The following FHIP1A variants were observed in gnomAD, a reference collection of about 807,000 sequenced individuals.
FHIP1A encodes FHF complex subunit HOOK-interacting protein 1A.
A neutral mutation model predicts 88.6 loss-of-function variants in FHIP1A; 61 were observed. That is an observed-to-expected ratio of 0.69 (90% CI 0.56 to 0.85). The LOEUF (loss-of-function observed/expected upper bound fraction) is 0.85. FHIP1A is among the 40% of genes least tolerant of loss of function. FHIP1A has a pLI of 0.00. For missense variants in FHIP1A, 1,154 were observed against 1,273.5 expected, an observed-to-expected ratio of 0.91 and a Z score of 1.43; for synonymous variants, 478 against 496.0, an observed-to-expected ratio of 0.96 and a Z score of 0.48.
chr4:151,550,782 T>G lies in FHIP1A; in HGVS notation c.-122-15356T>G, dbSNP rs116178671. Among the ~76,000 whole-genome samples the G allele has an allele frequency of 4.3e-3, 656 of 152,274 alleles. 6 individuals are homozygous for G. Among genetic ancestry groups the G allele is most frequent in the African/African-American group, 0.015 (621 of 41,570 alleles). On this transcript the variant is annotated intron_variant, in intron 3 of 13. Coordinates refer to ENST00000435205, the MANE Select transcript of FHIP1A (RefSeq NM_001109977.3). ...TGGGATGCAGACTCTGAGGTGGAGA[T>G]TTGCATGCAGGAGTTTGTTAGGGTA...
At chr4:151,556,732 C>A (rs1222198142) in intron 3 of FHIP1A, among the ~76,000 whole-genome samples, 1 of 152,146 alleles carries the variant, frequency 6.6e-6, no homozygotes, top group East Asian at 1.9e-4. Flanking sequence ...GGAAGACAAT[C>A]ATTTACAAGG....
At chr4:151,438,956 A>C (rs1728307694) in intron 1 of FHIP1A, among the ~76,000 whole-genome samples, 1 of 152,090 alleles carries the variant, frequency 6.6e-6, no homozygotes, top group African/African-American at 2.4e-5. Context: ...GTGTCTTTTG[A>C]AGTAGTATGT....
intron 3 of FHIP1A, among the ~76,000 whole-genome samples, chr4:151,540,087 G>A (rs1406806756): frequency 6.6e-6 from 1 of 152,154 alleles, no homozygotes; most frequent in Non-Finnish European, 1.5e-5. Context: ...TAAAGAAATA[G>A]CCTTGGCCTA....
At chr4:151,643,971 T>C (rs533016965) in intron 9 of FHIP1A, among the ~76,000 whole-genome samples, 1 of 152,386 alleles carries the variant, frequency 6.6e-6, no homozygotes, top group African/African-American at 2.4e-5. Flanking sequence ...CTTTATTAGC[T>C]TTGATCCAGT....
chr4:151,428,269 A>G (rs1370185940), intron 1 of FHIP1A, among the ~76,000 whole-genome samples: 2 of 152,180 alleles, frequency 1.3e-5, no homozygotes, highest in Non-Finnish European at 2.9e-5. Context: ...CTTTAGAAAT[A>G]CCATAAATAT....
At chr4:151,587,327 G>A (rs1421029470) in intron 6 of FHIP1A, among the ~76,000 whole-genome samples, 3 of 152,090 alleles carry the variant, frequency 2.0e-5, no homozygotes, top group African/African-American at 7.2e-5. Flanking sequence ...GAATTCTTGT[G>A]TATTTGGCTT....
At chr4:151,484,490 T>G (rs1173992061) in intron 3 of FHIP1A, among the ~76,000 whole-genome samples, 1 of 152,074 alleles carries the variant, frequency 6.6e-6, no homozygotes, top group African/African-American at 2.4e-5. Context: ...AGGGAGTAGC[T>G]TAGGTGGTTG....
chr4:151,443,847 G>C (rs1728499284), intron 1 of FHIP1A, among the ~76,000 whole-genome samples: 1 of 152,032 alleles, frequency 6.6e-6, no homozygotes, highest in Non-Finnish European at 1.5e-5. Context: ...ACTCCCTGCT[G>C]CCACAGTTGG....
At chr4:151,596,585 G>T (rs971062151) in intron 7 of FHIP1A, among the ~76,000 whole-genome samples, 8 of 152,162 alleles carry the variant, frequency 5.3e-5, no homozygotes, top group African/African-American at 1.7e-4. Flanking sequence ...CTAGGCTGGG[G>T]ATGTTCATCT....
intron 3 of FHIP1A, among the ~76,000 whole-genome samples, chr4:151,523,460 T>A (rs1358413349): frequency 6.6e-6 from 1 of 152,212 alleles, no homozygotes; most frequent in Non-Finnish European, 1.5e-5. Flanking sequence ...GCCGGGCTTA[T>A]TAGGGATCCC....
intron 7 of FHIP1A, among the ~76,000 whole-genome samples, chr4:151,597,152 T>A (rs28822494): frequency 0.034 from 5,163 of 152,242 alleles, 301 homozygotes; most frequent in African/African-American, 0.12. Flanking sequence ...TTTTTCTTCA[T>A]CTTTGTGGAT....
intron 1 of FHIP1A, among the ~76,000 whole-genome samples, chr4:151,420,365 G>GCAAATCC (rs1733075934): frequency 6.8e-6 from 1 of 147,386 alleles, no homozygotes; most frequent in Non-Finnish European, 1.5e-5. Context: ...TTCTTCATGT[G>GCAAATCC]TTTTTTGGCT....
At chr4:151,480,911 G>A (rs1439695869) in intron 2 of FHIP1A, among the ~76,000 whole-genome samples, 2 of 151,464 alleles carry the variant, frequency 1.3e-5, no homozygotes, top group Non-Finnish European at 2.9e-5. Context: ...TACACACATA[G>A]GTTAAACACA....
chr4:151,579,378 C>T (rs1038739909), intron 5 of FHIP1A, among the ~76,000 whole-genome samples: 1 of 152,118 alleles, frequency 6.6e-6, no homozygotes, highest in African/African-American at 2.4e-5. Flanking sequence ...ATCTCTGTAC[C>T]TTCCTCTCAG....
At chr4:151,622,295 T>C (rs1019685940) in intron 7 of FHIP1A, among the ~76,000 whole-genome samples, 21 of 152,174 alleles carry the variant, frequency 1.4e-4, no homozygotes, top group African/African-American at 4.8e-4. Context: ...TAAGGTACAA[T>C]TTAAATTACA....
chr4:151,662,488 T>G lies in FHIP1A; in HGVS notation c.2870-13T>G, dbSNP rs1421185630. ...ATGGAGGGACACCATGATGGTTTTC[T>G]TTCTGCTTTCAGATCCCATTCAGGA... On this transcript the variant is annotated splice_polypyrimidine_tract_variant and intron_variant, in intron 13 of 13. Coordinates refer to ENST00000435205, the MANE Select transcript of FHIP1A (RefSeq NM_001109977.3). The G allele has an allele frequency of 4.0e-6, 6 of 1,511,532 alleles. No homozygotes were observed. In the African/African-American group the frequency reaches 5.6e-5, roughly 14 times the overall value. 93.6% of individuals were successfully genotyped at this position (1,511,532 alleles called of 1,614,324 possible). A position where few individuals can be genotyped will look rare whatever the true frequency, so the allele number is the denominator to read the frequency against.
In FHIP1A at chr4:151,663,008, C is replaced by T; in HGVS notation, c.*254C>T. ...AGTTTTCTTTGCTCTGTTTTTCCTC[C>T]TTATATTTTTTTGGTTGTCATTCTC... On this transcript the variant is annotated 3_prime_UTR_variant, in exon 14 of 14. Transcript: ENST00000435205. 1 of 361,438 alleles carries T rather than the reference C, an allele frequency of 2.8e-6. No homozygotes were observed. 22.4% of individuals were successfully genotyped at this position (361,438 alleles called of 1,614,324 possible). A position where few individuals can be genotyped will look rare whatever the true frequency, so the allele number is the denominator to read the frequency against.
intron 2 of FHIP1A, among the ~76,000 whole-genome samples, chr4:151,455,699 A>G (rs890583796): frequency 2.0e-5 from 3 of 152,210 alleles, no homozygotes; most frequent in African/African-American, 7.2e-5. Context: ...CAGTGGGACC[A>G]CATTTCAGTC....
At chr4:151,560,435 A>G (rs1207689966) in intron 3 of FHIP1A, among the ~76,000 whole-genome samples, 1 of 152,152 alleles carries the variant, frequency 6.6e-6, no homozygotes, top group Non-Finnish European at 1.5e-5. Flanking sequence ...TTTTTCCAGG[A>G]ACATTTTTTG....
Sources: allele counts gnomAD v4.1 joint callset (sites outside exome capture counted in the v4.1 genomes callset), GRCh38; gene constraint gnomAD v4.1.1; transcripts MANE v1.5; gene names NCBI Gene and HGNC (gene_info 2026-07-23, HGNC 2026-07-21).